Variants in ADGRF3 observed in about 807,000 individuals in gnomAD.
The protein encoded by ADGRF3 is G protein-coupled receptor 113.
A neutral mutation model predicts 93.2 loss-of-function variants in ADGRF3; 85 were observed. The observed-to-expected ratio is 0.91, with a 90% CI of 0.77 to 1.09. The LOEUF (loss-of-function observed/expected upper bound fraction) is 1.09, where lower values mean the gene tolerates loss of function less well. Among genes scored for constraint, ADGRF3 ranks in the 50% least tolerant of loss-of-function variants. ADGRF3 has a pLI of 0.00. For missense variants in ADGRF3, 1,125 were observed against 1,246.2 expected (o/e 0.90, Z 1.46); for synonymous variants, 534 against 532.5 (o/e 1.00, Z -0.04).
At chr2:26,314,655 T>C in intron 5 of ADGRF3, 32 bp from the exon 6 acceptor site, 1 of 1,575,068 alleles carries the variant, frequency 6.3e-7, no homozygotes, top group Non-Finnish European at 8.7e-7. Flanking sequence ...GCTATGTGGC[T>C]CCTCTGGGCC....
chr2:26,311,242 G>A lies in ADGRF3; in HGVS notation c.2282C>T (p.Ala761Val), dbSNP rs1674091504. 6.2e-7 allele frequency: 1 copy of A among 1,609,818 alleles called. No homozygotes were observed. Among genetic ancestry groups the A allele is most frequent in the Admixed American group, 1.7e-5 (1 of 59,164 alleles). Residue 761 changes from alanine (A) to valine (V), a missense_variant, in exon 10 of 14, where the codon GCC (alanine) becomes GTC (valine). Physicochemically the swap from Ala to Val is moderately conservative, Grantham distance 64 (BLOSUM62 0). Transcript: ENST00000651242. ...TCGGGGCCCTGGAGAGAGGAATGGG[G>A]CGCCCAGGAAGCAAGTGTCTGCGGC... is the stretch of plus-strand genomic sequence containing the variant. ...LLAADTCFLGAPFLSPGPRSP... is the reference protein window; with the variant it reads ...LLAADTCFLGVPFLSPGPRSP...
At chr2:26,309,953 G>A in intron 12 of ADGRF3, 90 bp downstream of exon 12, 1 of 1,613,612 alleles carries the variant, frequency 6.2e-7, no homozygotes, top group Non-Finnish European at 8.5e-7. Context: ...CTCAGCTTCT[G>A]GCTGTGCCCA....
chr2:26,326,100 G>A (rs1032772319), intron 1 of ADGRF3, among the ~76,000 whole-genome samples: 2 of 152,170 alleles, frequency 1.3e-5, no homozygotes, highest in Admixed American at 6.5e-5. Flanking sequence ...AGCTGAGTGA[G>A]AGAAGGTGAT....
chr2:26,324,401 A>C (rs1675326890), intron 1 of ADGRF3, among the ~76,000 whole-genome samples: 1 of 152,124 alleles, frequency 6.6e-6, no homozygotes. Context: ...ACATAGGTAA[A>C]CTTGAGTCAT....
At position 26,344,655 on chromosome 2, in the gene ADGRF3, G is replaced by C. The variant is rs1574740720; in HGVS notation, c.114+1466C>G. Among the ~76,000 whole-genome samples the C allele has an allele frequency of 2.0e-5, 3 of 152,278 alleles. No individual in the cohort carries two copies. The South Asian group carries it at 6.2e-4, about 32-fold the overall frequency. ...GACACTGAAGTTTATTGGTTGGCGG[G>C]CGCCCATTCTTCAAAAAATGCAAAA... On this transcript the variant is annotated intron_variant, in intron 1 of 13. Coordinates refer to ENST00000651242, the MANE Select transcript of ADGRF3 (RefSeq NM_001321971.2).
rs534808680 is a variant in ADGRF3, at chr2:26,315,416, G to A, written c.718+106C>T. On this transcript the variant is annotated intron_variant, in intron 5 of 13. Coordinates refer to ENST00000651242, the MANE Select transcript of ADGRF3 (RefSeq NM_001321971.2). ...GGAAAGAAAAGAAGGAAGGAGAAGG[G>A]AGGGAGGCGTGGGAAGAAGAGGTGA... 4 of 1,171,710 alleles carry A rather than the reference G, an allele frequency of 3.4e-6. No homozygotes were observed. In the South Asian group the frequency reaches 4.8e-5, roughly 14 times the overall value. 72.6% of individuals were successfully genotyped at this position (1,171,710 alleles called of 1,614,324 possible). A position where few individuals can be genotyped will look rare whatever the true frequency, so the allele number is the denominator to read the frequency against.
intron 1 of ADGRF3, among the ~76,000 whole-genome samples, chr2:26,339,976 C>T (rs377736639): frequency 3.9e-5 from 6 of 152,184 alleles, no homozygotes; most frequent in African/African-American, 1.2e-4. Context: ...AAAATTGAAA[C>T]GATTCCTTTG....
At chr2:26,345,377 G>A (rs1676652522) in intron 1 of ADGRF3, among the ~76,000 whole-genome samples, 2 of 152,182 alleles carry the variant, frequency 1.3e-5, no homozygotes, top group African/African-American at 4.8e-5. Flanking sequence ...CGTCGAGACT[G>A]AGAGATCACT....
chr2:26,317,936 G>T, intron 1 of ADGRF3: 1 of 1,148,664 alleles, frequency 8.7e-7, no homozygotes, highest in Non-Finnish European at 1.3e-6. Context: ...TATTCCTTCT[G>T]TAGGATTTGA....
At chr2:26,323,718 C>T (rs1675285258) in intron 1 of ADGRF3, among the ~76,000 whole-genome samples, 1 of 151,658 alleles carries the variant, frequency 6.6e-6, no homozygotes, top group Non-Finnish European at 1.5e-5. Context: ...CAACCTCCAC[C>T]TCCTAGGTTT....
chr2:26,309,799 A>G, intron 12 of ADGRF3: 1 of 1,041,008 alleles, frequency 9.6e-7, no homozygotes, highest in South Asian at 1.7e-5. Context: ...TGGAGAAACC[A>G]GAGAAAAGAG....
chr2:26,321,805 C>T (rs914591941), intron 1 of ADGRF3, among the ~76,000 whole-genome samples: 1 of 151,690 alleles, frequency 6.6e-6, no homozygotes, highest in Non-Finnish European at 1.5e-5. Flanking sequence ...AACCCCGTTT[C>T]TACTAAAAAT....
chr2:26,342,121 T>C (rs1676434596), intron 1 of ADGRF3, among the ~76,000 whole-genome samples: 1 of 150,936 alleles, frequency 6.6e-6, no homozygotes, highest in Non-Finnish European at 1.5e-5. Context: ...TATCTTACCA[T>C]CAACTTGTAG....
chr2:26,336,991 CAA>C (rs1160166848), intron 1 of ADGRF3, among the ~76,000 whole-genome samples: 1 of 152,124 alleles, frequency 6.6e-6, no homozygotes, highest in Admixed American at 6.6e-5. Flanking sequence ...AAGCCAATGA[CAA>C]GAGTTTTTGC....
In ADGRF3 at chr2:26,346,102, C is replaced by T; in HGVS notation, c.114+19G>A. The T allele has an allele frequency of 2.6e-6, 4 of 1,559,580 alleles. No individual in the cohort carries two copies. The highest frequency in any genetic ancestry group is 3.5e-6 in the Non-Finnish European group (4 of 1,154,494). On this transcript the variant is annotated intron_variant, in intron 1 of 13. Transcript: ENST00000651242. The stretch of plus-strand genomic sequence containing the variant: ...GAGGCGGCTACGCGTGCGCGGTGGG[C>T]GGAGCGCGGCTCTCCTACCTTCTCG...
At chr2:26,332,357 AG>A (rs2147913685) in intron 1 of ADGRF3, among the ~76,000 whole-genome samples, 1 of 152,344 alleles carries the variant, frequency 6.6e-6, no homozygotes, top group South Asian at 2.1e-4. Context: ...TAGATCATGA[AG>A]GGCTGTCCAT....
Position 26,311,331 on chromosome 2 carries a change from C to T in ADGRF3, c.2193G>A (p.Val731=). Residue 731 remains valine, a synonymous_variant, in exon 10 of 14, where the codon GTG becomes GTA. Coordinates refer to ENST00000651242, the MANE Select transcript of ADGRF3 (RefSeq NM_001321971.2). Reference sequence around the variant, plus strand: ...GGAAATAGGAGATCTTGTTCCGCACCACGACTCTCCACACCAGCCAGTACA... The same window carrying T: ...GGAAATAGGAGATCTTGTTCCGCACTACGACTCTCCACACCAGCCAGTACA... ...LGVYWLVWRV[V]VRNKISYFRH... The T allele has an allele frequency of 6.2e-7, 1 of 1,613,946 alleles. No individual in the cohort carries two copies. The highest frequency in any genetic ancestry group is 1.1e-5 in the South Asian group (1 of 91,084).
intron 1 of ADGRF3, among the ~76,000 whole-genome samples, chr2:26,342,663 T>G (rs1388234305): frequency 6.6e-6 from 1 of 152,232 alleles, no homozygotes; most frequent in Admixed American, 6.5e-5. Flanking sequence ...AGAAATAAAC[T>G]TCAATGGATG....
Position 26,316,275 on chromosome 2 carries a change from C to T in ADGRF3, c.499G>A (p.Val167Ile). Reference sequence around the variant, plus strand: ...TTTCCAAGTTCCCAACCTTCCTCACCAGGTGGCAGCAACTGGCAGTACCCG... The same window carrying T: ...TTTCCAAGTTCCCAACCTTCCTCACTAGGTGGCAGCAACTGGCAGTACCCG... ...EPGYCQLLPP[V>I]PGILNLNSQL... is the part of the protein sequence containing the mutation. The change falls in exon 4 of 14, where the codon GTC becomes ATC. Residue 167 changes from valine (V) to isoleucine (I), a missense_variant and splice_region_variant. Physicochemically the swap from Val to Ile is conservative, Grantham distance 29. Coordinates refer to ENST00000651242, the MANE Select transcript of ADGRF3 (RefSeq NM_001321971.2). 6.4e-7 allele frequency: 1 copy of T among 1,550,824 alleles called. No individual in the cohort carries two copies. The highest frequency in any genetic ancestry group is 8.7e-7 in the Non-Finnish European group (1 of 1,146,576).
Sources: gnomAD v4.1 joint callset for allele counts (sites outside exome capture counted in the v4.1 genomes callset) on GRCh38, gnomAD v4.1.1 for gene constraint, MANE v1.5 for transcripts, NCBI Gene and HGNC (gene_info 2026-07-23, HGNC 2026-07-21) for gene names.